Variants in NGLY1 observed in about 807,000 individuals in gnomAD.
NGLY1 encodes the protein N-glycanase 1.
NGLY1 carries 68 observed loss-of-function variants against 84.6 expected under a neutral mutation model. The observed-to-expected ratio is 0.80, with a 90% CI of 0.66 to 0.98. The LOEUF is 0.98. Among genes scored for constraint, NGLY1 ranks in the 50% least tolerant of loss-of-function variants. The pLI, the probability that NGLY1 is intolerant of heterozygous loss-of-function variation, is 0.00. For missense variants in NGLY1, 779 were observed against 770.2 expected (o/e 1.01, Z -0.14); for synonymous variants, 280 against 275.2 (o/e 1.02, Z -0.17).
chr3:25,746,260 T>C (rs1192692382), intron 4 of NGLY1, among the ~76,000 whole-genome samples: 1 of 152,194 alleles, frequency 6.6e-6, no homozygotes, highest in African/African-American at 2.4e-5. Flanking sequence ...CCTTAGTATG[T>C]ATTTTGACAT....
chr3:25,728,158 CTA>C (rs952571234), intron 10 of NGLY1, among the ~76,000 whole-genome samples: 1 of 152,006 alleles, frequency 6.6e-6, no homozygotes, highest in Admixed American at 6.6e-5. Flanking sequence ...TGGAGTATTT[CTA>C]TGTTTAAGCA....
At chr3:25,757,078 G>T (rs141333290) in intron 3 of NGLY1, among the ~76,000 whole-genome samples, 40 of 152,276 alleles carry the variant, frequency 2.6e-4, no homozygotes, top group African/African-American at 9.6e-4. Flanking sequence ...CAAAACAGAA[G>T]TTTCATCTTA....
At chr3:25,741,314 A>G (rs1706129840) in intron 4 of NGLY1, among the ~76,000 whole-genome samples, 1 of 152,124 alleles carries the variant, frequency 6.6e-6, no homozygotes, top group Admixed American at 6.5e-5. Context: ...GAATAAACAG[A>G]TCAATGAAAC....
chr3:25,748,092 G>C (rs1018816848), intron 4 of NGLY1, among the ~76,000 whole-genome samples: 1 of 152,122 alleles, frequency 6.6e-6, no homozygotes, highest in African/African-American at 2.4e-5. Flanking sequence ...TGAACTGGGG[G>C]AAGGACATAT....
intron 3 of NGLY1, among the ~76,000 whole-genome samples, chr3:25,761,492 C>A (rs936858351): frequency 6.6e-6 from 1 of 152,078 alleles, no homozygotes; most frequent in African/African-American, 2.4e-5. Context: ...CAGGCAAATG[C>A]AAATTAAAAC....
intron 10 of NGLY1, among the ~76,000 whole-genome samples, chr3:25,722,612 T>A (rs889689901): frequency 6.6e-6 from 1 of 152,198 alleles, no homozygotes; most frequent in Non-Finnish European, 1.5e-5. Context: ...CTTAAACTAC[T>A]CAGAGTAGAT....
At chr3:25,765,097 T>C (rs2125291613) in intron 2 of NGLY1, among the ~76,000 whole-genome samples, 1 of 152,336 alleles carries the variant, frequency 6.6e-6, no homozygotes, top group African/African-American at 2.4e-5. Flanking sequence ...TGACAATGTA[T>C]TTGATCAAAT....
chr3:25,720,347 CA>C (rs1327961696), intron 10 of NGLY1, among the ~76,000 whole-genome samples, 156 bp from the exon 11 acceptor site: 1 of 152,132 alleles, frequency 6.6e-6, no homozygotes. Flanking sequence ...TTACTGCTAA[CA>C]TTTTTTTTGG....
chr3:25,757,354 T>C (rs1707093016), intron 3 of NGLY1, among the ~76,000 whole-genome samples: 1 of 152,188 alleles, frequency 6.6e-6, no homozygotes, highest in South Asian at 2.1e-4. Flanking sequence ...TGTGTGACCT[T>C]ACTTCACCTC....
At chr3:25,762,548 T>C (rs936098899) in intron 3 of NGLY1, among the ~76,000 whole-genome samples, 15 of 152,172 alleles carry the variant, frequency 9.9e-5, no homozygotes, top group African/African-American at 3.6e-4. Flanking sequence ...TACACTAGAA[T>C]GTGTTTTGCC....
At chr3:25,750,148 G>C (rs1706655788) in intron 4 of NGLY1, among the ~76,000 whole-genome samples, 1 of 152,154 alleles carries the variant, frequency 6.6e-6, no homozygotes, top group Non-Finnish European at 1.5e-5. Context: ...GCAGGAGAGA[G>C]AATGAGTGCA....
intron 10 of NGLY1, among the ~76,000 whole-genome samples, chr3:25,726,422 G>A (rs1326241165): frequency 1.3e-5 from 2 of 152,158 alleles, no homozygotes; most frequent in East Asian, 3.9e-4. Context: ...TTGAATACAT[G>A]TCATGAAAGA....
chr3:25,778,324 T>G (rs1047823392), intron 2 of NGLY1: 2 of 295,454 alleles, frequency 6.8e-6, no homozygotes, highest in East Asian at 6.6e-5. Context: ...TTGGGTTGCA[T>G]GTATGACCCT....
chr3:25,774,158 G>A (rs895698676), intron 2 of NGLY1, among the ~76,000 whole-genome samples: 1 of 152,198 alleles, frequency 6.6e-6, no homozygotes, highest in Non-Finnish European at 1.5e-5. Flanking sequence ...GGATGTTACA[G>A]GTGGTGGAAT....
intron 3 of NGLY1, among the ~76,000 whole-genome samples, chr3:25,758,942 G>T (rs1031326012): frequency 1.3e-5 from 2 of 152,138 alleles, no homozygotes; most frequent in African/African-American, 4.8e-5. Flanking sequence ...TAAAAATGTA[G>T]ATTCTAAACT....
At chr3:25,759,878 T>G (rs575404968) in intron 3 of NGLY1, among the ~76,000 whole-genome samples, 7 of 151,386 alleles carry the variant, frequency 4.6e-5, no homozygotes, top group African/African-American at 1.7e-4. Context: ...AATTAATCAA[T>G]GGAAGTTAGA....
At chr3:25,738,211 C>T (rs1173748821) in intron 5 of NGLY1, among the ~76,000 whole-genome samples, 1 of 152,130 alleles carries the variant, frequency 6.6e-6, no homozygotes, top group East Asian at 1.9e-4. Flanking sequence ...TAACAAATTA[C>T]TCAACAAAAA....
intron 2 of NGLY1, among the ~76,000 whole-genome samples, chr3:25,772,901 G>A (rs1229378933): frequency 6.6e-6 from 1 of 152,080 alleles, no homozygotes; most frequent in East Asian, 1.9e-4. Flanking sequence ...TAGTTTTGCT[G>A]GATGCAAAAT....
In NGLY1 at chr3:25,783,371, C is replaced by T. The variant is rs1708512501; in HGVS notation, c.20G>A (p.Gly7Asp). 1.9e-6 allele frequency: 3 copies of T among 1,546,338 alleles called. No individual in the cohort carries two copies. Among genetic ancestry groups the T allele is most frequent in the Non-Finnish European group, 2.6e-6 (3 of 1,147,288 alleles). Residue 7 changes from glycine to aspartate, a missense_variant, in exon 1 of 12, where the codon GGC becomes GAC. Coordinates refer to ENST00000280700, the MANE Select transcript of NGLY1 (RefSeq NM_018297.4). This position sits in a 1 kb window ranked among gnomAD's most constrained non-coding sequence, Gnocchi z 4.5. ...CGGGGACGCCGAGCCTGAGGAGCTG[C>T]CCAATGCCGCCGCCGCCATGCTTGA... MAAAAL[G>D]SSSGSASPAV...
Sources: gnomAD v4.1 joint callset for allele counts (sites outside exome capture counted in the v4.1 genomes callset) on GRCh38, gnomAD v4.1.1 for gene constraint, Gnocchi (gnomAD v3.1) non-coding constraint, MANE v1.5 for transcripts, NCBI Gene and HGNC (gene_info 2026-07-23, HGNC 2026-07-21) for gene names.